The following SNX14 variants were observed in gnomAD, a reference collection of about 807,000 sequenced individuals.
SNX14 encodes the protein sorting nexin 14, also known as sorting nexin-14.
In SNX14, 93 loss-of-function variants were observed where a neutral mutation model predicts 133.8. That is an observed-to-expected ratio of 0.70 (90% CI 0.59 to 0.83). The LOEUF (loss-of-function observed/expected upper bound fraction) is 0.83. Ranked by LOEUF, SNX14 falls within the 40% of genes least tolerant of loss-of-function variation. The pLI is 0.00. For missense variants in SNX14, 945 were observed against 1,094.9 expected, an observed-to-expected ratio of 0.86 and a Z score of 1.93; for synonymous variants, 368 against 365.6, an observed-to-expected ratio of 1.01 and a Z score of -0.07.
At chr6:85,538,390 T>C (rs1317684841) in intron 16 of SNX14, among the ~76,000 whole-genome samples, 1 of 152,110 alleles carries the variant, frequency 6.6e-6, no homozygotes, top group African/African-American at 2.4e-5. Context: ...TATTCCAGTC[T>C]CTACAACATG....
rs112349140 is a variant in SNX14, at chr6:85,586,637, G to A, written c.140+6942C>T. On this transcript the variant is annotated intron_variant, in intron 1 of 28. Coordinates refer to ENST00000314673, the MANE Select transcript of SNX14 (RefSeq NM_153816.6). Reference sequence around the variant, plus strand: ...GCACTGTCACCCAGGCTGGAGTGTCGGGGCACAATCATATTTCACTGTAGC... The same window carrying A: ...GCACTGTCACCCAGGCTGGAGTGTCAGGGCACAATCATATTTCACTGTAGC... Among the ~76,000 whole-genome samples the A allele has an allele frequency of 1.8e-4, 27 of 151,994 alleles. 2 individuals are homozygous for A. The highest frequency in any genetic ancestry group is 4.6e-4 in the African/African-American group (19 of 41,426).
chr6:85,590,142 A>C (rs1341982571), intron 1 of SNX14, among the ~76,000 whole-genome samples: 2 of 152,306 alleles, frequency 1.3e-5, no homozygotes, highest in East Asian at 3.9e-4. Flanking sequence ...ATCCAGAAAG[A>C]ATGATTCTTG....
intron 13 of SNX14, 145 bp downstream of exon 13, chr6:85,543,460 T>A (rs1316781606): frequency 1.2e-5 from 13 of 1,069,120 alleles, no homozygotes; most frequent in Non-Finnish European, 1.7e-5. Flanking sequence ...TATAAATAAG[T>A]TTTTTCTTTA....
chr6:85,521,001 A>G (rs1400158924), intron 21 of SNX14, among the ~76,000 whole-genome samples: 1 of 152,208 alleles, frequency 6.6e-6, no homozygotes, highest in Admixed American at 6.5e-5. Flanking sequence ...TTTTTATACC[A>G]AACAATTTTT....
chr6:85,527,497 T>C (rs1337147360), intron 20 of SNX14, among the ~76,000 whole-genome samples: 1 of 152,022 alleles, frequency 6.6e-6, no homozygotes, highest in Admixed American at 6.5e-5. Flanking sequence ...AATTTAAAAG[T>C]CTTTCTTTTT....
At chr6:85,538,987 A>G in intron 15 of SNX14, 123 bp from the exon 16 acceptor site, 1 of 690,526 alleles carries the variant, frequency 1.4e-6, no homozygotes, top group Non-Finnish European at 2.2e-6. Flanking sequence ...ACAGGTGTAT[A>G]ACATTCATTT....
Position 85,533,677 on chromosome 6 carries a change from G to T in SNX14, c.1732C>A (p.Pro578Thr). ...TTTTTCTCCTTCCTTTCAGAGGAGG[G>T]ATCCTCAAAAAAGTCTACATATGGA... The part of the protein sequence containing the change: ...SIPYVDFFED[P>T]SSERKEKKER... The change falls in exon 18 of 29, where the codon CCC becomes ACC. Residue 578 changes from proline to threonine, a missense_variant. Physicochemically the swap from Pro to Thr is conservative, Grantham distance 38 (BLOSUM62 -1). Around this residue, in one of 3 missense-constraint regions of SNX14, gnomAD observed 412 missense variants for 516.6 expected, o/e 0.80. Coordinates refer to ENST00000314673, the MANE Select transcript of SNX14 (RefSeq NM_153816.6). 3 of 1,613,768 alleles carry T rather than the reference G, an allele frequency of 1.9e-6. No individual in the cohort carries two copies. The highest frequency in any genetic ancestry group is 2.5e-6 in the Non-Finnish European group (3 of 1,180,000).
intron 23 of SNX14, among the ~76,000 whole-genome samples, chr6:85,515,170 G>A (rs1027875780): frequency 7.3e-5 from 11 of 150,122 alleles, no homozygotes; most frequent in African/African-American, 2.7e-4. Context: ...GGGAGACTGA[G>A]GCAGGAGAAT....
intron 16 of SNX14, among the ~76,000 whole-genome samples, chr6:85,538,050 A>G (rs1782494389): frequency 6.6e-6 from 1 of 152,248 alleles, no homozygotes; most frequent in Non-Finnish European, 1.5e-5. Flanking sequence ...TTAAGTGTAT[A>G]GCTATTACTC....
chr6:85,548,150 A>G (rs1786372769), intron 9 of SNX14, 151 bp downstream of exon 9: 3 of 602,084 alleles, frequency 5.0e-6, no homozygotes, highest in Non-Finnish European at 8.7e-6. Flanking sequence ...ATTTCATAAG[A>G]TGAAGAGTTC....
chr6:85,514,009 AGATTC>A (rs1212654561), intron 25 of SNX14, 56 bp downstream of exon 25: 1 of 1,566,850 alleles, frequency 6.4e-7, no homozygotes, highest in Admixed American at 2.0e-5. Context: ...CTTCCTCTTT[AGATTC>A]AATTAAAATC....
chr6:85,583,887 G>GA (rs949442697), intron 1 of SNX14, among the ~76,000 whole-genome samples: 60 of 149,718 alleles, frequency 4.0e-4, no homozygotes, highest in African/African-American at 8.1e-4. Context: ...AACAGAATTA[G>GA]AAAAAAAAAT....
chr6:85,583,264 A>G (rs1799609451), intron 1 of SNX14, among the ~76,000 whole-genome samples: 1 of 152,194 alleles, frequency 6.6e-6, no homozygotes, highest in Non-Finnish European at 1.5e-5. Flanking sequence ...ATCTCAAAAT[A>G]ATAAGAGTTA....
intron 17 of SNX14, among the ~76,000 whole-genome samples, chr6:85,535,988 T>C (rs1781852855): frequency 6.6e-6 from 1 of 152,058 alleles, no homozygotes; most frequent in Admixed American, 6.5e-5. Context: ...TCAATAAAAA[T>C]AAAAAGTACA....
intron 12 of SNX14, among the ~76,000 whole-genome samples, chr6:85,545,866 C>G (rs951035241): frequency 6.6e-6 from 1 of 152,022 alleles, no homozygotes; most frequent in Non-Finnish European, 1.5e-5. Context: ...GTATTTTTGT[C>G]GAGACAGGGT....
intron 1 of SNX14, among the ~76,000 whole-genome samples, chr6:85,577,239 C>A (rs1397578448): frequency 6.6e-6 from 1 of 152,016 alleles, no homozygotes; most frequent in Non-Finnish European, 1.5e-5. Context: ...CATGGTGAAA[C>A]CGCATCTCTA....
chr6:85,507,697 T>C (rs1039656055), intron 27 of SNX14, among the ~76,000 whole-genome samples: 3 of 152,198 alleles, frequency 2.0e-5, no homozygotes, highest in African/African-American at 7.2e-5. Context: ...TTATCCATTT[T>C]TAATTTTTTA....
At position 85,562,740 on chromosome 6, in the gene SNX14, C is replaced by T. The variant is rs181805084; in HGVS notation, c.549+2592G>A. 1.9e-3 allele frequency among the ~76,000 whole-genome samples: 285 copies of T among 151,750 alleles called. 1 individual carries two copies. The highest frequency in any genetic ancestry group is 2.7e-3 in the Non-Finnish European group (186 of 67,912). On this transcript the variant is annotated intron_variant, in intron 6 of 28. Transcript: ENST00000314673. ...AAGTAGCTGGGATTACAGGTGTGCA[C>T]GATTACACCAGGCTAATTTCTTTGT...
chr6:85,560,803 G>A (rs113620727), intron 6 of SNX14, among the ~76,000 whole-genome samples: 2,414 of 152,212 alleles, frequency 0.016, 90 homozygotes, highest in African/African-American at 0.055. Context: ...GGAGACCGAG[G>A]TGGGTGAATC....
Sources: gnomAD v4.1 joint callset for allele counts (sites outside exome capture counted in the v4.1 genomes callset) on GRCh38, gnomAD v4.1.1 for gene constraint, gnomAD v4.1.1 regional missense constraint, MANE v1.5 for transcripts, NCBI Gene and HGNC (gene_info 2026-07-23, HGNC 2026-07-21) for gene names.